The following HECTD4 variants were observed in gnomAD, a reference collection of about 807,000 sequenced individuals.
HECTD4 encodes the protein probable E3 ubiquitin-protein ligase HECTD4.
Under a neutral mutation model 471.5 loss-of-function variants are expected in HECTD4, and 114 were observed. That is an observed-to-expected ratio of 0.24 (90% CI 0.21 to 0.28). The LOEUF (loss-of-function observed/expected upper bound fraction) is 0.28, where lower values mean the gene tolerates loss of function less well. HECTD4 is among the 10% of genes least tolerant of loss of function. The pLI is 1.00. For missense variants in HECTD4, 3,866 were observed against 5,651.5 expected, an observed-to-expected ratio of 0.68 and a Z score of 10.13; for synonymous variants, 2,012 against 2,256.0, an observed-to-expected ratio of 0.89 and a Z score of 3.07.
chr12:112,226,804 T>G, intron 43 of HECTD4, 46 bp from the exon 44 acceptor site: 3 of 1,422,140 alleles, frequency 2.1e-6, no homozygotes, highest in Non-Finnish European at 2.9e-6. Flanking sequence ...TCAGTGTTCA[T>G]TGTCTAAAAA....
intron 54 of HECTD4, among the ~76,000 whole-genome samples, chr12:112,202,129 A>G (rs1401026955): frequency 6.6e-6 from 1 of 152,220 alleles, no homozygotes; most frequent in Non-Finnish European, 1.5e-5. Context: ...AGTTCACCTC[A>G]GTGACCACCA....
intron 1 of HECTD4, among the ~76,000 whole-genome samples, chr12:112,371,407 C>T (rs1032696342): frequency 1.3e-5 from 2 of 151,956 alleles, no homozygotes; most frequent in African/African-American, 4.8e-5. Flanking sequence ...GAAACCCCAT[C>T]TCTTCTAAAA....
intron 6 of HECTD4, among the ~76,000 whole-genome samples, chr12:112,307,206 T>A (rs537013343): frequency 6.6e-6 from 1 of 152,348 alleles, no homozygotes; most frequent in South Asian, 2.1e-4. Context: ...CCCAAGGCGA[T>A]CTCTGACCCC....
At chr12:112,168,749 G>A (rs1413099010) in intron 70 of HECTD4, among the ~76,000 whole-genome samples, 1 of 152,240 alleles carries the variant, frequency 6.6e-6, no homozygotes, top group Admixed American at 6.5e-5. Context: ...GCTTTGTAGA[G>A]TCCCAGTTTC....
intron 1 of HECTD4, among the ~76,000 whole-genome samples, chr12:112,340,597 C>T (rs1021698168): frequency 8.5e-5 from 13 of 152,094 alleles, no homozygotes; most frequent in African/African-American, 3.1e-4. Context: ...CACAGGACAG[C>T]CCCACAGCAA....
Position 112,184,080 on chromosome 12 carries a change from A to T in HECTD4, c.10779+107T>A. The T allele has an allele frequency of 2.6e-6, 3 of 1,137,942 alleles. No homozygotes were observed. The highest frequency in any genetic ancestry group is 2.5e-6 in the Non-Finnish European group (2 of 794,208). The allele number at this position is 1,137,942 out of a possible 1,614,324, so 70.5% of individuals were successfully genotyped here. A position where few individuals can be genotyped will look rare whatever the true frequency, so the allele number is the denominator to read the frequency against. On this transcript the variant is annotated intron_variant, in intron 61 of 75. Transcript: ENST00000682272. This position sits in a 1 kb window ranked among gnomAD's most constrained non-coding sequence, Gnocchi z 9.1. ...CAAGGGCTGCCCCAGGGAGCCCCCA[A>T]CCGCTCCACCATTACCTACTAGGAA...
At chr12:112,238,291 C>T (rs572398600) in intron 34 of HECTD4, among the ~76,000 whole-genome samples, 156 of 152,170 alleles carry the variant, frequency 1.0e-3, no homozygotes, top group African/African-American at 3.5e-3. Context: ...CAGCTCACTG[C>T]AGCCTCGACC....
Position 112,179,235 on chromosome 12 carries a change from A to G in HECTD4, c.11150T>C (p.Leu3717Pro). ...CCGGACATTGGTGAAGAAGAGGTGG[A>G]GGAGGTTGCCTGGGGTCTGGGAGTT... ...QINSQTPGNL[L>P]HLFFTNVRPP... Residue 3717 changes from leucine to proline, a missense_variant, in exon 63 of 76, where the codon CTC (leucine) becomes CCC (proline). Leu to Pro is a moderately conservative substitution (Grantham distance 98). Transcript: ENST00000682272. This position sits in a 1 kb window ranked among gnomAD's most constrained non-coding sequence, Gnocchi z 4.3. 6.2e-7 allele frequency: 1 copy of G among 1,613,838 alleles called. No homozygotes were observed. The highest frequency in any genetic ancestry group is 8.5e-7 in the Non-Finnish European group (1 of 1,179,850).
intron 1 of HECTD4, among the ~76,000 whole-genome samples, chr12:112,328,358 A>G (rs1340700603): frequency 2.6e-5 from 4 of 151,964 alleles, no homozygotes; most frequent in Non-Finnish European, 5.9e-5. Flanking sequence ...GCTGATCTCA[A>G]ACTCCTGGGG....
At chr12:112,294,404 G>C (rs2034960042) in intron 7 of HECTD4, among the ~76,000 whole-genome samples, 1 of 152,084 alleles carries the variant, frequency 6.6e-6, no homozygotes, top group Admixed American at 6.6e-5. Context: ...TTTTTTGCCT[G>C]GTTTGGCCCA....
chr12:112,309,480 AC>A (rs1483644872), intron 5 of HECTD4, 80 bp downstream of exon 5: 2 of 657,490 alleles, frequency 3.0e-6, no homozygotes, highest in African/African-American at 1.8e-5. Flanking sequence ...GCTGGAATCT[AC>A]CCACAGTGTC....
At position 112,207,976 on chromosome 12, in the gene HECTD4, T is replaced by C; in HGVS notation, c.8029A>G (p.Lys2677Glu). Residue 2677 changes from lysine (K) to glutamate (E), a missense_variant, in exon 52 of 76, where the codon AAA (lysine) becomes GAA (glutamate). Lys to Glu is a moderately conservative substitution (Grantham distance 56, BLOSUM62 1). This residue lies in a region of HECTD4 where 266 missense variants were observed against 441.6 expected (regional missense o/e 0.60). Transcript: ENST00000682272. ...PQEDHYALLV[K>E]AWETKVFPTI... ...GGAAAAACCTTGGTCTCCCATGCTT[T>C]CACCAGCAGGGCGTAGTGGTCCTCC... 4 of 1,613,632 alleles carry C rather than the reference T, an allele frequency of 2.5e-6. No individual in the cohort carries two copies. The highest frequency in any genetic ancestry group is 3.4e-6 in the Non-Finnish European group (4 of 1,179,754).
rs2036880784 is a variant in HECTD4, at chr12:112,381,221, C to G, written c.177+731G>C. On this transcript the variant is annotated intron_variant, in intron 1 of 75. Transcript: ENST00000682272. The surrounding 1 kb of genome is among the most constrained non-coding windows in gnomAD (Gnocchi z 4.1). ...CAAGCAGCTCAACTGATGAGATCTG[C>G]TGTTGCACCTGCCACGGCTCTGAAC... Among the ~76,000 whole-genome samples, 1 of 152,222 alleles carries G rather than the reference C, an allele frequency of 6.6e-6. No individual in the cohort carries two copies. The highest frequency in any genetic ancestry group is 6.5e-5 in the Admixed American group (1 of 15,278).
chr12:112,248,547 CA>C, intron 25 of HECTD4, 35 bp from the exon 26 acceptor site: 1 of 1,418,508 alleles, frequency 7.0e-7, no homozygotes, highest in South Asian at 1.3e-5. Context: ...AGATATATGC[CA>C]TGCTCTCAGC....
At chr12:112,380,620 C>T (rs942046127) in intron 1 of HECTD4, among the ~76,000 whole-genome samples, 1 of 152,046 alleles carries the variant, frequency 6.6e-6, no homozygotes, top group African/African-American at 2.4e-5. Flanking sequence ...AAATGAGACA[C>T]AATAAAACGA....
rs2030954982 is a variant in HECTD4 at position 112,166,284 on chromosome 12, T to C, written c.12534+1033A>G. 1 of 152,238 alleles carries C rather than the reference T, an allele frequency of 6.6e-6. No individual in the cohort carries two copies. The highest frequency in any genetic ancestry group is 6.5e-5 in the Admixed American group (1 of 15,292). 9.4% of individuals were successfully genotyped at this position (152,238 alleles called of 1,614,324 possible). A position where few individuals can be genotyped will look rare whatever the true frequency, so the allele number is the denominator to read the frequency against. On this transcript the variant is annotated intron_variant, in intron 72 of 75. Coordinates refer to ENST00000682272, the MANE Select transcript of HECTD4 (RefSeq NM_001388303.1). The surrounding 1 kb of genome is among the most constrained non-coding windows in gnomAD (Gnocchi z 4.6). Reference sequence around the variant, plus strand: ...GGCATCCGGGACTCTGGCTCTGCTATTGTCTTGCAATGGCTGCCCTGAGTG... The same window carrying C: ...GGCATCCGGGACTCTGGCTCTGCTACTGTCTTGCAATGGCTGCCCTGAGTG...
At chr12:112,266,691 C>T (rs2034279880) in intron 14 of HECTD4, among the ~76,000 whole-genome samples, 1 of 152,194 alleles carries the variant, frequency 6.6e-6, no homozygotes, top group Non-Finnish European at 1.5e-5. Context: ...CTATGCTGGC[C>T]AGGCTGGTCT....
rs1389835980 is a variant in HECTD4 at position 112,251,076 on chromosome 12, A to G, written c.3611T>C (p.Leu1204Pro). The G allele has an allele frequency of 6.2e-7, 1 of 1,614,032 alleles. No individual in the cohort carries two copies. Among genetic ancestry groups the G allele is most frequent in the Admixed American group, 1.7e-5 (1 of 60,002 alleles). The change falls in exon 24 of 76, where the codon CTG becomes CCG. Residue 1204 changes from leucine to proline, a missense_variant. Physicochemically the swap from Leu to Pro is moderately conservative, Grantham distance 98. This residue lies in a region of HECTD4 where 281 missense variants were observed against 499.9 expected (regional missense o/e 0.56). Transcript: ENST00000682272. ...TAACATGGAACAAGCTAACACAGAC[A>G]GACCTAAAGCCAGGTCTACCAGAAA... ...LPFLVDLALG[L>P]SVLACSMLRI...
At chr12:112,257,474 T>C (rs1414034629) in intron 20 of HECTD4, among the ~76,000 whole-genome samples, 1 of 152,236 alleles carries the variant, frequency 6.6e-6, no homozygotes, top group Non-Finnish European at 1.5e-5. Flanking sequence ...CTTGATAAGT[T>C]TGGACATTTG....
Sources: allele counts gnomAD v4.1 joint callset (sites outside exome capture counted in the v4.1 genomes callset), GRCh38; gene constraint gnomAD v4.1.1; regional missense constraint gnomAD v4.1.1; non-coding constraint Gnocchi (gnomAD v3.1); transcripts MANE v1.5; gene names NCBI Gene and HGNC (gene_info 2026-07-23, HGNC 2026-07-21).